The following RFX3 variants were observed in gnomAD, a reference collection of about 807,000 sequenced individuals.
The protein encoded by RFX3 is regulatory factor X3.
Under a neutral mutation model 98.6 loss-of-function variants are expected in RFX3, and 14 were observed. The ratio of observed to expected loss-of-function variants is 0.14; its 90% confidence interval spans 0.09 to 0.22. The LOEUF is 0.22. Ranked by LOEUF, RFX3 falls within the 10% of genes least tolerant of loss-of-function variation. The pLI is 1.00. For synonymous variants in RFX3, 383 were observed against 328.4 expected (o/e 1.17, Z -1.80); for missense variants, 639 against 926.9 (o/e 0.69, Z 4.03).
intron 3 of RFX3, among the ~76,000 whole-genome samples, chr9:3,341,351 A>C (rs976204261): frequency 6.6e-6 from 1 of 151,944 alleles, no homozygotes; most frequent in Non-Finnish European, 1.5e-5. Flanking sequence ...ACATGTATAC[A>C]TATGTAACAA....
intron 1 of RFX3, among the ~76,000 whole-genome samples, chr9:3,468,535 A>G (rs758585429): frequency 2.4e-4 from 36 of 152,218 alleles, no homozygotes; most frequent in Non-Finnish European, 4.4e-4. Flanking sequence ...TGCCACGCAA[A>G]TATGTGCTGC....
intron 9 of RFX3, among the ~76,000 whole-genome samples, chr9:3,273,431 A>G (rs1159118012): frequency 2.0e-5 from 3 of 152,214 alleles, no homozygotes; most frequent in Non-Finnish European, 4.4e-5. Flanking sequence ...GTATGTTAAT[A>G]CAAATCTTAT....
Position 3,269,780 on chromosome 9 carries a change from C to T in RFX3, c.1357+591G>A, listed in dbSNP as rs562571468. Among the ~76,000 whole-genome samples, 4 of 152,142 alleles carry T rather than the reference C, an allele frequency of 2.6e-5. No homozygotes were observed. The South Asian group carries it at 6.2e-4, about 24-fold the overall frequency. The stretch of plus-strand genomic sequence containing the variant: ...GTTAACCATTACTGCTAATGGAAAC[C>T]GCATCTGTAGTTCCTAACATGATGT... On this transcript the variant is annotated intron_variant, in intron 11 of 16. Transcript: ENST00000617270.
At chr9:3,435,281 T>G (rs1340693876) in intron 1 of RFX3, among the ~76,000 whole-genome samples, 2 of 152,130 alleles carry the variant, frequency 1.3e-5, no homozygotes, top group African/African-American at 4.8e-5. Flanking sequence ...TTTTAATTTT[T>G]TAACTCTGAC....
At chr9:3,503,572 C>A (rs1468423720) in intron 1 of RFX3, among the ~76,000 whole-genome samples, 1 of 152,092 alleles carries the variant, frequency 6.6e-6, no homozygotes, top group Middle Eastern at 3.4e-3. Context: ...GGTTGTGACA[C>A]TAGTACACAG....
rs536069509 is a variant in RFX3, at chr9:3,237,831, A to G, written c.1969-8942T>C. Among the ~76,000 whole-genome samples, 177 of 152,346 alleles carry G rather than the reference A, an allele frequency of 1.2e-3. 2 individuals carry two copies. The South Asian group carries it at 0.035, about 30-fold the overall frequency. ...TGGAGCACAGCATGGGCGGAACAAC[A>G]TAAGAAGTGGAGCCAGCCTGACCTG... On this transcript the variant is annotated intron_variant, in intron 15 of 16. Transcript: ENST00000617270.
chr9:3,440,262 C>T lies in RFX3; in HGVS notation c.-8-44666G>A, dbSNP rs112286824. On this transcript the variant is annotated intron_variant, in intron 1 of 16. Coordinates refer to ENST00000617270, the MANE Select transcript of RFX3 (RefSeq NM_001282116.2). ...TGCTGGACGTTCTAGCTAGTGCTAT[C>T]AGCAAAATAAAACAAACAAAAAGTA... Among the ~76,000 whole-genome samples, 756 of 152,006 alleles carry T rather than the reference C, an allele frequency of 5.0e-3. 9 individuals carry two copies. Among genetic ancestry groups the T allele is most frequent in the Admixed American group, 7.3e-3 (111 of 15,258 alleles).
At position 3,277,380 on chromosome 9, in the gene RFX3, T is replaced by C; in HGVS notation, c.933A>G (p.Gln311=). 1.2e-6 allele frequency: 2 copies of C among 1,612,892 alleles called. No homozygotes were observed. The highest frequency in any genetic ancestry group is 2.2e-5 in the East Asian group (1 of 44,806). The change falls in exon 8 of 17, where the codon CAA becomes CAG. Residue 311 remains glutamine (Q), a synonymous_variant. Transcript: ENST00000617270. ...GATGTTGGCTTTGGGCAATTACAGT[T>C]TGCTCAACAGATGTGCCTGTCTGTT... is the stretch of plus-strand genomic sequence containing the variant. ...SGQQTGTSVE[Q]TVIAQSQHHQ... is the part of the protein sequence containing the mutation.
At chr9:3,301,062 C>T (rs376451972) in intron 5 of RFX3, among the ~76,000 whole-genome samples, 1 of 151,764 alleles carries the variant, frequency 6.6e-6, no homozygotes, top group South Asian at 2.1e-4. Flanking sequence ...TTGTTTACTG[C>T]CCACCTTACA....
chr9:3,432,262 A>C (rs879761044), intron 1 of RFX3, among the ~76,000 whole-genome samples: 1 of 152,180 alleles, frequency 6.6e-6, no homozygotes, highest in South Asian at 2.1e-4. Flanking sequence ...CAAAGGCATC[A>C]AACTGATCTA....
chr9:3,329,169 G>A (rs1832281144), intron 4 of RFX3, among the ~76,000 whole-genome samples: 1 of 152,078 alleles, frequency 6.6e-6, no homozygotes, highest in Non-Finnish European at 1.5e-5. Context: ...CACTTTGGGA[G>A]GCTGAGGAGG....
intron 1 of RFX3, among the ~76,000 whole-genome samples, chr9:3,524,997 G>A (rs928794408): frequency 6.6e-6 from 1 of 151,848 alleles, no homozygotes; most frequent in South Asian, 2.1e-4. Flanking sequence ...GTGGGGGGGG[G>A]GAGAAAGAGG....
At chr9:3,356,962 TGCACACACAC>T (rs527535098) in intron 2 of RFX3, among the ~76,000 whole-genome samples, 4,152 of 147,600 alleles carry the variant, frequency 0.028, 130 homozygotes, top group African/African-American at 0.082. Context: ...CATACACACA[TGCACACACAC>T]GCACACACAC....
At chr9:3,488,717 T>C (rs1850480054) in intron 1 of RFX3, 1 of 898,294 alleles carries the variant, frequency 1.1e-6, no homozygotes. Flanking sequence ...CAACCTTATA[T>C]CCATAAAATT....
At chr9:3,277,975 T>A (rs1299172109) in intron 7 of RFX3, among the ~76,000 whole-genome samples, 1 of 151,950 alleles carries the variant, frequency 6.6e-6, no homozygotes, top group Non-Finnish European at 1.5e-5. Flanking sequence ...CACATTTATC[T>A]CCATGACAAT....
At chr9:3,354,620 T>C (rs1247471617) in intron 2 of RFX3, among the ~76,000 whole-genome samples, 1 of 151,768 alleles carries the variant, frequency 6.6e-6, no homozygotes, top group East Asian at 1.9e-4. Context: ...ACCAGTGAAA[T>C]AGCCTTCAAA....
chr9:3,373,493 G>C (rs978695064), intron 2 of RFX3, among the ~76,000 whole-genome samples: 9 of 152,144 alleles, frequency 5.9e-5, no homozygotes, highest in Non-Finnish European at 1.3e-4. Context: ...AAAAATTTTA[G>C]TCCTAATTGC....
At chr9:3,385,817 C>T (rs561007989) in intron 2 of RFX3, among the ~76,000 whole-genome samples, 1 of 151,970 alleles carries the variant, frequency 6.6e-6, no homozygotes, top group Admixed American at 6.6e-5. Context: ...ACTCAAATTC[C>T]AATAAGGTCA....
chr9:3,421,974 T>A (rs1843479661), intron 1 of RFX3, among the ~76,000 whole-genome samples: 1 of 150,608 alleles, frequency 6.6e-6, no homozygotes, highest in South Asian at 2.1e-4. Flanking sequence ...TTCCTGGGGA[T>A]CATGATAGTG....
Sources: allele counts gnomAD v4.1 joint callset (sites outside exome capture counted in the v4.1 genomes callset), GRCh38; gene constraint gnomAD v4.1.1; transcripts MANE v1.5; gene names NCBI Gene and HGNC (gene_info 2026-07-23, HGNC 2026-07-21).